Variants in PSTPIP2 observed in about 807,000 individuals in gnomAD.
PSTPIP2 encodes the protein proline-serine-threonine phosphatase interacting protein 2.
A neutral mutation model predicts 63.3 loss-of-function variants in PSTPIP2; 33 were observed. The ratio of observed to expected loss-of-function variants is 0.52; its 90% CI spans 0.40 to 0.70. PSTPIP2 has a LOEUF of 0.70. Ranked by LOEUF, PSTPIP2 falls within the 30% of genes least tolerant of loss-of-function variation. PSTPIP2 has a pLI of 0.00. For missense variants in PSTPIP2, 312 were observed against 400.7 expected (o/e 0.78, Z 1.89); for synonymous variants, 125 against 132.7 (o/e 0.94, Z 0.40).
intron 2 of PSTPIP2, 42 bp downstream of exon 2, chr18:46,039,905 T>A (rs1908128403): frequency 6.6e-7 from 1 of 1,524,124 alleles, no homozygotes; most frequent in Non-Finnish European, 9.1e-7. Context: ...TGTGGAGACA[T>A]CTTGGCCCAC....
chr18:46,058,565 T>G (rs1200384968), intron 1 of PSTPIP2, among the ~76,000 whole-genome samples: 1 of 152,154 alleles, frequency 6.6e-6, no homozygotes, highest in Non-Finnish European at 1.5e-5. Flanking sequence ...TTCACCGTGT[T>G]GGCCAGGCTG....
rs1568231009 is a variant in PSTPIP2 at position 46,054,969 on chromosome 18, A to T, written c.34-14922T>A. Among the ~76,000 whole-genome samples the T allele has an allele frequency of 1.3e-5, 2 of 152,192 alleles. 1 individual carries two copies. The highest frequency in any genetic ancestry group is 4.1e-4 in the South Asian group (2 of 4,834). On this transcript the variant is annotated intron_variant, in intron 1 of 14. Transcript: ENST00000409746. ...TGAAAATGAGGCAACAGCATATTTT[A>T]GCTTTGTAGGTAATTAACAGAAACT...
At chr18:46,071,785 C>T (rs1164949830) in intron 1 of PSTPIP2, among the ~76,000 whole-genome samples, 3 of 152,218 alleles carry the variant, frequency 2.0e-5, no homozygotes, top group Non-Finnish European at 4.4e-5. Context: ...AGGGTCTCTG[C>T]TTCGCCTGTG....
chr18:46,001,790 G>A (rs1486775768), intron 6 of PSTPIP2, among the ~76,000 whole-genome samples: 2 of 151,730 alleles, frequency 1.3e-5, no homozygotes, highest in African/African-American at 2.4e-5. Flanking sequence ...ATATACTTAT[G>A]GGGTATATGA....
rs2051541128 is a variant in PSTPIP2, at chr18:45,992,107, T to C, written c.837A>G (p.Pro279=). The C allele has an allele frequency of 1.9e-6, 3 of 1,606,334 alleles. No homozygotes were observed. The highest frequency in any genetic ancestry group is 1.7e-6 in the Non-Finnish European group (2 of 1,175,612). ...TCCCCACCCCACTGCCCCATTCACC[T>C]GGTGGAATCTGTCCAGTTTTGCGTT... ...VNQRKTGQIP[P]APIMYENFYS... is the part of the protein sequence containing the mutation. The change falls in exon 11 of 15, where the codon CCA becomes CCG. Residue 279 remains proline (P), a splice_region_variant and synonymous_variant. Coordinates refer to ENST00000409746, the MANE Select transcript of PSTPIP2 (RefSeq NM_024430.4).
In PSTPIP2 at chr18:46,012,821, T is replaced by C. The variant is rs1006569713; in HGVS notation, c.248-1534A>G. On this transcript the variant is annotated intron_variant, in intron 4 of 14. Transcript: ENST00000409746. Reference sequence around the variant, plus strand: ...ATGCACAGAGAAAGGTCTGGAAATATATACCAAACTACTAGCATGATTTTA... The same window carrying C: ...ATGCACAGAGAAAGGTCTGGAAATACATACCAAACTACTAGCATGATTTTA... 7.9e-5 allele frequency among the ~76,000 whole-genome samples: 12 copies of C among 152,184 alleles called. 1 individual carries two copies. The highest frequency in any genetic ancestry group is 1.8e-4 in the Non-Finnish European group (12 of 68,046).
chr18:46,041,572 A>T (rs542795877), intron 1 of PSTPIP2, among the ~76,000 whole-genome samples: 2 of 152,218 alleles, frequency 1.3e-5, no homozygotes, highest in South Asian at 2.1e-4. Context: ...TTTATATTTT[A>T]TTCTACTGTG....
Position 45,998,870 on chromosome 18 carries a change from A to G in PSTPIP2, c.517-31T>C, listed in dbSNP as rs369907609. On this transcript the variant is annotated intron_variant, in intron 7 of 14. Transcript: ENST00000409746. ...AAAACAAACAAACAAACAAAAAAAG[A>G]GCAAGCATTGGGAATGCTGGACGAG... 378 of 1,613,490 alleles carry G rather than the reference A, an allele frequency of 2.3e-4. 1 individual carries two copies. The African/African-American group carries it at 4.6e-3, about 20-fold the overall frequency.
chr18:46,044,137 ACC>A (rs1908293525), intron 1 of PSTPIP2, among the ~76,000 whole-genome samples: 1 of 152,164 alleles, frequency 6.6e-6, no homozygotes, highest in African/African-American at 2.4e-5. Context: ...TGCAAGTCAG[ACC>A]TAAAATTTAT....
intron 3 of PSTPIP2, among the ~76,000 whole-genome samples, chr18:46,023,514 G>A (rs367599102): frequency 1.2e-4 from 18 of 152,080 alleles, no homozygotes; most frequent in Middle Eastern, 3.4e-3. Context: ...AGCCAAGATC[G>A]CGCCATTGCA....
intron 3 of PSTPIP2, 46 bp downstream of exon 3, chr18:46,024,563 G>C (rs780620785): frequency 6.7e-7 from 1 of 1,503,488 alleles, no homozygotes; most frequent in East Asian, 2.3e-5. Flanking sequence ...GGAGCTCCCA[G>C]GCATTATTAA....
chr18:46,024,635 C>T lies in PSTPIP2; in HGVS notation c.186G>A (p.Lys62=), dbSNP rs1375169606. Residue 62 remains lysine (K), a synonymous_variant, in exon 3 of 15, where the codon AAG becomes AAA. Transcript: ENST00000409746. Reference sequence around the variant, plus strand: ...TGATTTCAGACTGTCCACACGGCTTCTTCCTAGAGAGGTTGAGCAGATCTT... The same window carrying T: ...TGATTTCAGACTGTCCACACGGCTTTTTCCTAGAGAGGTTGAGCAGATCTT... ...YGKDLLNLSR[K]KPCGQSEINT... The T allele has an allele frequency of 6.2e-7, 1 of 1,614,180 alleles. No individual in the cohort carries two copies. The highest frequency in any genetic ancestry group is 1.3e-5 in the African/African-American group (1 of 75,070).
At chr18:45,987,773 C>T (rs982903625) in intron 14 of PSTPIP2, among the ~76,000 whole-genome samples, 1 of 152,120 alleles carries the variant, frequency 6.6e-6, no homozygotes, top group Non-Finnish European at 1.5e-5. Context: ...GGCATTTCTT[C>T]ACATCTGTGA....
intron 6 of PSTPIP2, among the ~76,000 whole-genome samples, chr18:46,001,711 CTA>C (rs2051668644): frequency 6.6e-6 from 1 of 152,094 alleles, no homozygotes; most frequent in Non-Finnish European, 1.5e-5. Context: ...AACCACCATT[CTA>C]TGTTCTGTCT....
intron 1 of PSTPIP2, among the ~76,000 whole-genome samples, chr18:46,055,087 T>G (rs1297238607): frequency 6.6e-6 from 1 of 152,228 alleles, no homozygotes; most frequent in African/African-American, 2.4e-5. Flanking sequence ...AAAGTCGCAC[T>G]GGTCTTTCTG....
chr18:45,999,311 A>G (rs2051638823), intron 7 of PSTPIP2, 125 bp downstream of exon 7: 1 of 884,628 alleles, frequency 1.1e-6, no homozygotes, highest in Non-Finnish European at 1.8e-6. Context: ...AAGACCCCCA[A>G]TACATGAAGG....
intron 8 of PSTPIP2, 77 bp downstream of exon 8, chr18:45,998,717 C>CCTT: frequency 6.8e-7 from 1 of 1,463,682 alleles, no homozygotes; most frequent in Non-Finnish European, 9.4e-7. Context: ...TATAAAACTC[C>CCTT]CTTTCTCAGG....
intron 7 of PSTPIP2, among the ~76,000 whole-genome samples, chr18:45,999,066 C>T (rs1484552142): frequency 6.6e-6 from 1 of 152,060 alleles, no homozygotes; most frequent in African/African-American, 2.4e-5. Context: ...AAAGACACAC[C>T]CAGCCCTCTG....
rs2051455975 is a variant in PSTPIP2, at chr18:45,985,283, A to G, written c.*176T>C. On this transcript the variant is annotated 3_prime_UTR_variant, in exon 15 of 15. Transcript: ENST00000409746. Reference sequence around the variant, plus strand: ...AAACTTCAAAAAACTGCAGAACTCTACTTGCTTATGTTGTCCTAAATGTCT... The same window carrying G: ...AAACTTCAAAAAACTGCAGAACTCTGCTTGCTTATGTTGTCCTAAATGTCT... 8.5e-6 allele frequency: 7 copies of G among 819,668 alleles called. No individual in the cohort carries two copies. The South Asian group carries it at 9.3e-5, about 11-fold the overall frequency. The allele number at this position is 819,668 out of a possible 1,614,324, so 50.8% of individuals were successfully genotyped here. A position where few individuals can be genotyped will look rare whatever the true frequency, so the allele number is the denominator to read the frequency against.
Sources: allele counts gnomAD v4.1 joint callset (sites outside exome capture counted in the v4.1 genomes callset), GRCh38; gene constraint gnomAD v4.1.1; transcripts MANE v1.5; gene names NCBI Gene and HGNC (gene_info 2026-07-23, HGNC 2026-07-21).